TENM4: variants seen among roughly 807,000 people sequenced by gnomAD.
TENM4 encodes teneurin transmembrane protein 4, also known as teneurin-4.
TENM4 carries 82 observed loss-of-function variants against 243.3 expected under a neutral mutation model. That is an observed-to-expected ratio of 0.34 (90% CI 0.28 to 0.40). The LOEUF (loss-of-function observed/expected upper bound fraction) is 0.40. Ranked by LOEUF, TENM4 falls within the 10% of genes least tolerant of loss-of-function variation. The pLI is 1.00. For missense variants in TENM4, 3,138 were observed against 3,673.3 expected (o/e 0.85, Z 3.77); for synonymous variants, 1,412 against 1,456.3 (o/e 0.97, Z 0.69).
intron 6 of TENM4, among the ~76,000 whole-genome samples, chr11:78,987,213 T>C (rs1258973880): frequency 6.6e-6 from 1 of 152,334 alleles, no homozygotes; most frequent in East Asian, 1.9e-4. Flanking sequence ...AGCAGCTTTA[T>C]TCATAATAGT....
chr11:79,049,536 C>T (rs1381407425), intron 6 of TENM4, among the ~76,000 whole-genome samples: 1 of 152,204 alleles, frequency 6.6e-6, no homozygotes, highest in Admixed American at 6.5e-5. Context: ...CCGAAGCCTG[C>T]ATCCTTAGAA....
At chr11:78,832,942 A>G (rs1858016297) in intron 12 of TENM4, among the ~76,000 whole-genome samples, 1 of 152,198 alleles carries the variant, frequency 6.6e-6, no homozygotes, top group Non-Finnish European at 1.5e-5. Context: ...CTTCCTGGAG[A>G]GAAATAAATG....
intron 2 of TENM4, among the ~76,000 whole-genome samples, chr11:79,255,357 G>C (rs1354092226): frequency 2.0e-5 from 3 of 152,052 alleles, no homozygotes; most frequent in Admixed American, 2.0e-4. Context: ...TGTTCCTAAC[G>C]CCTCCGTGTC....
At chr11:78,847,553 C>A (rs986351990) in intron 12 of TENM4, among the ~76,000 whole-genome samples, 1 of 152,226 alleles carries the variant, frequency 6.6e-6, no homozygotes, top group Non-Finnish European at 1.5e-5. Context: ...CCTTGGCCTA[C>A]AATTTCATTC....
intron 4 of TENM4, among the ~76,000 whole-genome samples, chr11:79,086,105 C>A (rs1183191374): frequency 8.5e-5 from 13 of 152,224 alleles, no homozygotes; most frequent in African/African-American, 2.4e-5. Context: ...TGTGTAGTCC[C>A]CCACACTAAC....
At chr11:78,812,954 G>A (rs1273463172) in intron 13 of TENM4, among the ~76,000 whole-genome samples, 1 of 152,170 alleles carries the variant, frequency 6.6e-6, no homozygotes, top group African/African-American at 2.4e-5. Flanking sequence ...ACTGCATTGT[G>A]CTGAAAGTAC....
At position 78,992,604 on chromosome 11, in the gene TENM4, C is replaced by T. The variant is rs904628486; in HGVS notation, c.493+72134G>A. Among the ~76,000 whole-genome samples, 8 of 152,102 alleles carry T rather than the reference C, an allele frequency of 5.3e-5. No individual in the cohort carries two copies. The East Asian group carries it at 5.8e-4, about 11-fold the overall frequency. On this transcript the variant is annotated intron_variant, in intron 6 of 33. Coordinates refer to ENST00000278550, the MANE Select transcript of TENM4 (RefSeq NM_001098816.3). The stretch of plus-strand genomic sequence containing the variant: ...TTTTGATGTGGATCTTGAGAAAGAA[C>T]GGGACTTCACCAGGTGGGTGAGAGA...
intron 16 of TENM4, among the ~76,000 whole-genome samples, chr11:78,779,893 C>G (rs977959283): frequency 1.3e-5 from 2 of 152,154 alleles, no homozygotes; most frequent in African/African-American, 4.8e-5. Flanking sequence ...CTGGATAGAA[C>G]AGATATTGTT....
chr11:79,217,758 T>C (rs1409635424), intron 2 of TENM4, among the ~76,000 whole-genome samples: 6 of 152,010 alleles, frequency 3.9e-5, no homozygotes, highest in Non-Finnish European at 7.4e-5. Flanking sequence ...ATTTTGCTCT[T>C]GTGGCCCAGG....
At chr11:79,192,471 C>G (rs1863535742) in intron 3 of TENM4, among the ~76,000 whole-genome samples, 1 of 152,136 alleles carries the variant, frequency 6.6e-6, no homozygotes, top group Admixed American at 6.5e-5. Flanking sequence ...CCTTACCCCC[C>G]AACCCTGTGC....
chr11:79,052,648 G>GAGGA (rs1201541044), intron 6 of TENM4, among the ~76,000 whole-genome samples: 1 of 152,164 alleles, frequency 6.6e-6, no homozygotes, highest in African/African-American at 2.4e-5. Flanking sequence ...GGGAGGGAGG[G>GAGGA]AGGAAGAAGC....
intron 1 of TENM4, among the ~76,000 whole-genome samples, chr11:79,349,582 G>GA (rs1245099848): frequency 6.6e-6 from 1 of 152,110 alleles, no homozygotes; most frequent in Non-Finnish European, 1.5e-5. Context: ...GAATAAGACA[G>GA]AAAAAAACCT....
At chr11:79,017,976 G>T (rs767708156) in intron 6 of TENM4, among the ~76,000 whole-genome samples, 6 of 152,210 alleles carry the variant, frequency 3.9e-5, no homozygotes, top group Non-Finnish European at 8.8e-5. Flanking sequence ...GGAGAGGAAA[G>T]GTGGTCCTCC....
chr11:78,878,142 C>A (rs1859318842), intron 9 of TENM4, among the ~76,000 whole-genome samples: 2 of 152,188 alleles, frequency 1.3e-5, no homozygotes, highest in Non-Finnish European at 2.9e-5. Context: ...AACTTGGAAC[C>A]TCTATTCTTT....
chr11:78,691,419 C>T lies in TENM4; in HGVS notation c.5088-3193G>A, dbSNP rs142759998. 2.1e-3 allele frequency among the ~76,000 whole-genome samples: 320 copies of T among 152,286 alleles called. 1 individual carries two copies. The highest frequency in any genetic ancestry group is 5.8e-3 in the South Asian group (28 of 4,830). On this transcript the variant is annotated intron_variant, in intron 28 of 33. Transcript: ENST00000278550. ...CTTTCCTGCTTTGTGGGAGAGGAGA[C>T]ACCATGATTCATTCACACATTCCCT... is the stretch of plus-strand genomic sequence containing the variant.
At chr11:79,034,199 T>C (rs928813198) in intron 6 of TENM4, among the ~76,000 whole-genome samples, 2 of 152,244 alleles carry the variant, frequency 1.3e-5, no homozygotes, top group Admixed American at 1.3e-4. Flanking sequence ...TGCCCACTTA[T>C]GAAGGCTCAA....
chr11:79,362,547 C>A lies in TENM4; in HGVS notation c.-320-65004G>T, dbSNP rs1014470116. ...TGTTCATTTCCAGAACAAGTTCCCACACTCTCTGACATCCAATCCTGGGGA... is the reference window on the plus strand; with the variant it reads ...TGTTCATTTCCAGAACAAGTTCCCAAACTCTCTGACATCCAATCCTGGGGA... On this transcript the variant is annotated intron_variant, in intron 1 of 33. Transcript: ENST00000278550. Among the ~76,000 whole-genome samples the A allele has an allele frequency of 2.0e-5, 3 of 152,362 alleles. No homozygotes were observed. In the South Asian group the frequency reaches 6.2e-4, roughly 32 times the overall value.
chr11:78,787,885 C>T (rs1189299268), intron 15 of TENM4, among the ~76,000 whole-genome samples: 1 of 152,210 alleles, frequency 6.6e-6, no homozygotes, highest in African/African-American at 2.4e-5. Flanking sequence ...GCCCCTCAGG[C>T]TCCAGGCCAG....
In TENM4 at chr11:78,726,074, C is replaced by T. The variant is rs780863335; in HGVS notation, c.3550+5G>A. 3.7e-6 allele frequency: 6 copies of T among 1,613,920 alleles called. No homozygotes were observed. Among genetic ancestry groups the T allele is most frequent in the African/African-American group, 1.3e-5 (1 of 75,060 alleles). Reference sequence around the variant, plus strand: ...TGGTTCAAGTAATTCTATTAATCCACTTACCACTTTGAATGTTGAGGGCAT... The same window carrying T: ...TGGTTCAAGTAATTCTATTAATCCATTTACCACTTTGAATGTTGAGGGCAT... On this transcript the variant is annotated splice_donor_5th_base_variant and intron_variant, in intron 23 of 33. Transcript: ENST00000278550.
Sources: allele counts gnomAD v4.1 joint callset (sites outside exome capture counted in the v4.1 genomes callset), GRCh38; gene constraint gnomAD v4.1.1; transcripts MANE v1.5; gene names NCBI Gene and HGNC (gene_info 2026-07-23, HGNC 2026-07-21).